PCNX2: variants seen among roughly 807,000 people sequenced by gnomAD.
The protein encoded by PCNX2 is pecanex 2.
A neutral mutation model predicts 223.8 loss-of-function variants in PCNX2; 168 were observed. The ratio of observed to expected loss-of-function variants is 0.75; its 90% CI spans 0.66 to 0.85. The LOEUF (loss-of-function observed/expected upper bound fraction) is 0.85. PCNX2 is among the 40% of genes least tolerant of loss of function. The pLI, the probability that PCNX2 is intolerant of heterozygous loss-of-function variation, is 0.00. For synonymous variants in PCNX2, 1,006 were observed against 1,052.6 expected (o/e 0.96, Z 0.86); for missense variants, 2,507 against 2,675.5 (o/e 0.94, Z 1.39).
intron 1 of PCNX2, among the ~76,000 whole-genome samples, chr1:233,289,710 G>A (rs985855126): frequency 6.6e-6 from 1 of 152,250 alleles, no homozygotes; most frequent in African/African-American, 2.4e-5. Context: ...AGAAAGCATG[G>A]ACTATGTGAT....
intron 10 of PCNX2, among the ~76,000 whole-genome samples, chr1:233,222,808 A>G (rs113986589): frequency 0.015 from 2,243 of 152,318 alleles, 54 homozygotes; most frequent in African/African-American, 0.051. Flanking sequence ...GAGATGGGGA[A>G]GACCACAAGT....
At chr1:233,161,403 T>C (rs1678471926) in intron 17 of PCNX2, 40 bp from the exon 18 acceptor site, 1 of 1,540,674 alleles carries the variant, frequency 6.5e-7, no homozygotes, top group Non-Finnish European at 9.0e-7. Flanking sequence ...ACTCTTCATT[T>C]CTCTCAGCAA....
rs918388496 is a variant in PCNX2 at position 232,992,830 on chromosome 1, T to C, written c.5791+5421A>G. ...GTGGGTGAGTTCTCACAAGAGCTGATAGTATTAAAGTGTGGCACCTCCTTG... is the reference window on the plus strand; with the variant it reads ...GTGGGTGAGTTCTCACAAGAGCTGACAGTATTAAAGTGTGGCACCTCCTTG... On this transcript the variant is annotated intron_variant, in intron 32 of 33. Transcript: ENST00000258229. Among the ~76,000 whole-genome samples the C allele has an allele frequency of 2.4e-4, 37 of 152,188 alleles. 1 individual carries two copies. The highest frequency in any genetic ancestry group is 8.8e-5 in the Non-Finnish European group (6 of 68,044).
intron 1 of PCNX2, among the ~76,000 whole-genome samples, chr1:233,288,273 G>A (rs184485355): frequency 1.3e-5 from 2 of 152,176 alleles, no homozygotes; most frequent in East Asian, 3.9e-4. Context: ...AAATAATAGG[G>A]TATTAAAGTA....
the PCNX2 span, among the ~76,000 whole-genome samples, chr1:233,313,803 A>C: frequency 2.6e-5 from 4 of 152,158 alleles, no homozygotes; most frequent in South Asian, 2.1e-4. Flanking sequence ...AAAATGTGCA[A>C]TCTCACTCAC....
chr1:233,186,892 C>G (rs1054596196), intron 15 of PCNX2, among the ~76,000 whole-genome samples: 2 of 151,248 alleles, frequency 1.3e-5, no homozygotes, highest in Admixed American at 1.3e-4. Context: ...TAGAAATGCA[C>G]ACACACACAC....
chr1:233,247,467 GT>G (rs1227934546), intron 8 of PCNX2, among the ~76,000 whole-genome samples: 1 of 152,136 alleles, frequency 6.6e-6, no homozygotes, highest in Non-Finnish European at 1.5e-5. Flanking sequence ...AACTCTTCTT[GT>G]TTTTTGGTGT....
intron 32 of PCNX2, among the ~76,000 whole-genome samples, chr1:232,987,113 C>T (rs922295133): frequency 6.6e-5 from 10 of 152,210 alleles, no homozygotes; most frequent in African/African-American, 1.4e-4. Context: ...CTTACAGGCC[C>T]GCAACTACTG....
chr1:233,169,233 TTG>T (rs1198122985), intron 17 of PCNX2, among the ~76,000 whole-genome samples: 2 of 152,230 alleles, frequency 1.3e-5, no homozygotes, highest in Non-Finnish European at 2.9e-5. Context: ...ACTCGGGGTA[TTG>T]TGTGTGTGTT....
chr1:233,233,876 C>T (rs950282733), intron 9 of PCNX2, among the ~76,000 whole-genome samples: 3 of 152,038 alleles, frequency 2.0e-5, no homozygotes, highest in African/African-American at 7.2e-5. Flanking sequence ...CACCTCCAGG[C>T]CCCTTTGGCC....
In PCNX2 at chr1:233,106,951, A is replaced by G. The variant is rs116882655; in HGVS notation, c.3838-11088T>C. Reference sequence around the variant, plus strand: ...ATGGTTCAGGTAGTGATTTTTCCATATAACTGAAGCTTTCTCTTGTAAACA... The same window carrying G: ...ATGGTTCAGGTAGTGATTTTTCCATGTAACTGAAGCTTTCTCTTGTAAACA... On this transcript the variant is annotated intron_variant, in intron 21 of 33. Coordinates refer to ENST00000258229, the MANE Select transcript of PCNX2 (RefSeq NM_014801.4). Among the ~76,000 whole-genome samples, 35 of 152,270 alleles carry G rather than the reference A, an allele frequency of 2.3e-4. No individual in the cohort carries two copies. In the East Asian group the frequency reaches 6.0e-3, roughly 26 times the overall value.
In PCNX2 at chr1:233,261,140, T is replaced by C. The variant is rs911934807; in HGVS notation, c.517+145A>G. 9.7e-6 allele frequency: 7 copies of C among 723,466 alleles called. No individual in the cohort carries two copies. The African/African-American group carries it at 1.1e-4, about 11-fold the overall frequency. 44.8% of individuals were successfully genotyped at this position (723,466 alleles called of 1,614,324 possible). ...ATGAGAAAAAATTAAAATTAAGAGT[T>C]AAAGAAACAAAGTCAAAATATAACT... On this transcript the variant is annotated intron_variant, in intron 4 of 33. Coordinates refer to ENST00000258229, the MANE Select transcript of PCNX2 (RefSeq NM_014801.4).
intron 23 of PCNX2, among the ~76,000 whole-genome samples, chr1:233,068,081 A>T (rs958423994): frequency 1.3e-5 from 2 of 150,666 alleles, no homozygotes; most frequent in African/African-American, 2.5e-5. Flanking sequence ...AGAAAGAAAC[A>T]CCTTATCTAA....
intron 21 of PCNX2, chr1:233,112,801 G>T (rs1675189382): frequency 5.7e-6 from 7 of 1,234,684 alleles, no homozygotes; most frequent in Non-Finnish European, 7.3e-6. Flanking sequence ...AGTCTTACAT[G>T]CTAGGCTTGA....
At chr1:233,213,693 G>A (rs1681952847) in intron 12 of PCNX2, among the ~76,000 whole-genome samples, 1 of 151,998 alleles carries the variant, frequency 6.6e-6, no homozygotes, top group Non-Finnish European at 1.5e-5. Flanking sequence ...CCTCTTTGGA[G>A]TTTGTACTGT....
rs748000584 is a variant in PCNX2 at position 233,001,614 on chromosome 1, C to T, written c.5020G>A (p.Glu1674Lys). The T allele has an allele frequency of 6.9e-6, 11 of 1,585,094 alleles. No homozygotes were observed. In the South Asian group the frequency reaches 9.3e-5, roughly 13 times the overall value. ...AGGTCCATGTCAGCAAATACCCACT[C>T]GTCACGTGCTGTTATTCTGAAGTCA... Reference protein sequence around the residue: ...KGDFRITARDEWVFADMDLLH... With the variant: ...KGDFRITARDKWVFADMDLLH... Residue 1674 changes from glutamate (E) to lysine (K), a missense_variant, in exon 29 of 34, where the codon GAG (glutamate) becomes AAG (lysine). Physicochemically the swap from Glu to Lys is moderately conservative, Grantham distance 56 (BLOSUM62 1). This residue lies in a region of PCNX2 where 1,372 missense variants were observed against 1,509.4 expected (regional missense o/e 0.91). Transcript: ENST00000258229. This position sits in a 1 kb window ranked among gnomAD's most constrained non-coding sequence, Gnocchi z 4.2.
At chr1:233,240,474 C>T (rs1235780099) in intron 8 of PCNX2, among the ~76,000 whole-genome samples, 4 of 152,128 alleles carry the variant, frequency 2.6e-5, no homozygotes, top group Non-Finnish European at 5.9e-5. Flanking sequence ...TTTTCTCTTC[C>T]TCCAAAACAA....
intron 1 of PCNX2, among the ~76,000 whole-genome samples, chr1:233,287,722 A>T (rs1661525798): frequency 6.6e-6 from 1 of 152,178 alleles, no homozygotes; most frequent in Non-Finnish European, 1.5e-5. Flanking sequence ...GACCTGTTAG[A>T]AGTGATATGG....
chr1:233,178,026 T>C, intron 16 of PCNX2, 128 bp from the exon 17 acceptor site: 3 of 678,908 alleles, frequency 4.4e-6, no homozygotes, highest in Non-Finnish European at 7.6e-6. Flanking sequence ...TAAAAATTTA[T>C]AATAAAAAGA....
Sources: gnomAD v4.1 joint callset for allele counts (sites outside exome capture counted in the v4.1 genomes callset) on GRCh38, gnomAD v4.1.1 for gene constraint, gnomAD v4.1.1 regional missense constraint, Gnocchi (gnomAD v3.1) non-coding constraint, MANE v1.5 for transcripts, NCBI Gene and HGNC (gene_info 2026-07-23, HGNC 2026-07-21) for gene names.